ZNF554: variants seen among roughly 807,000 people sequenced by gnomAD.
ZNF554 encodes the protein zinc finger protein 554.
ZNF554 carries 15 observed loss-of-function variants against 21.2 expected under a neutral mutation model. The ratio of observed to expected loss-of-function variants is 0.71; its 90% confidence interval spans 0.47 to 1.09. The LOEUF is 1.09. Ranked by LOEUF, ZNF554 falls within the 50% of genes least tolerant of loss-of-function variation. The pLI is 0.00. For missense variants in ZNF554, 691 were observed against 662.7 expected, an observed-to-expected ratio of 1.04 and a Z score of -0.47; for synonymous variants, 258 against 251.4, an observed-to-expected ratio of 1.03 and a Z score of -0.25.
rs183460926 is a variant in ZNF554 at position 2,830,259 on chromosome 19, A to G, written c.254-2044A>G. Among the ~76,000 whole-genome samples, 4 of 152,280 alleles carry G rather than the reference A, an allele frequency of 2.6e-5. No homozygotes were observed. The East Asian group carries it at 7.7e-4, about 29-fold the overall frequency. ...AGACATTTCATATAAATGGAATCAT[A>G]TAATATGTGGCCTTTTGTGTCTGGC... is the stretch of plus-strand genomic sequence containing the variant. On this transcript the variant is annotated intron_variant, in intron 3 of 4. Transcript: ENST00000317243.
Position 2,833,747 on chromosome 19 carries a change from C to T in ZNF554, c.512C>T (p.Ala171Val), listed in dbSNP as rs139826802. The change falls in exon 5 of 5, where the codon GCC becomes GTC. Residue 171 changes from alanine to valine, a missense_variant. By Grantham distance (64) the Ala-to-Val change is moderately conservative. Coordinates refer to ENST00000317243, the MANE Select transcript of ZNF554 (RefSeq NM_001102651.2). ...YKKVALQEEP[A>V]SGINMIKLIR... ...AAGGTGGCTTTGCAGGAGGAACCAG[C>T]CAGTGGTATAAATATGATAAAGCTT... The T allele has an allele frequency of 9.1e-5, 143 of 1,575,896 alleles. No individual in the cohort carries two copies. In the African/African-American group the frequency reaches 1.8e-3, roughly 20 times the overall value.
rs781224191 is a variant in ZNF554, at chr19:2,834,891, T to C, written c.*39T>C. Reference sequence around the variant, plus strand: ...CTTTGTAAGCCACTTTTTAGTACTCTGACACATACATGTGGTTATCTTTTG... The same window carrying C: ...CTTTGTAAGCCACTTTTTAGTACTCCGACACATACATGTGGTTATCTTTTG... On this transcript the variant is annotated 3_prime_UTR_variant, in exon 5 of 5. Transcript: ENST00000317243. 3 of 1,511,004 alleles carry C rather than the reference T, an allele frequency of 2.0e-6. No homozygotes were observed. The highest frequency in any genetic ancestry group is 2.7e-6 in the Non-Finnish European group (3 of 1,119,410). The allele number at this position is 1,511,004 out of a possible 1,614,324, so 93.6% of individuals were successfully genotyped here.
Position 2,832,109 on chromosome 19 carries a change from A to G in ZNF554, c.254-194A>G, listed in dbSNP as rs924266913. On this transcript the variant is annotated intron_variant, in intron 3 of 4. Transcript: ENST00000317243. Reference sequence around the variant, plus strand: ...CCCAGCTAATTTTTGTATTTTTAGTAGAGATGGGGTTTTACCATGTTGGCC... The same window carrying G: ...CCCAGCTAATTTTTGTATTTTTAGTGGAGATGGGGTTTTACCATGTTGGCC... The G allele has an allele frequency of 5.1e-5, 21 of 414,376 alleles. 1 individual carries two copies. In the South Asian group the frequency reaches 7.6e-4, roughly 15 times the overall value. 25.7% of individuals were successfully genotyped at this position (414,376 alleles called of 1,614,324 possible).
intron 2 of ZNF554, among the ~76,000 whole-genome samples, chr19:2,827,370 G>C (rs1432759058): frequency 6.6e-6 from 1 of 152,186 alleles, no homozygotes; most frequent in Non-Finnish European, 1.5e-5. Context: ...AATAAGAAAT[G>C]GGCAAAATGT....
At chr19:2,820,982 T>C (rs1425388782) in intron 1 of ZNF554, among the ~76,000 whole-genome samples, 2 of 151,380 alleles carry the variant, frequency 1.3e-5, no homozygotes, top group Non-Finnish European at 2.9e-5. Context: ...ATTCTGTTTA[T>C]ACCCACCACC....
chr19:2,833,739 G>C lies in ZNF554; in HGVS notation c.504G>C (p.Glu168Asp), dbSNP rs1248784050. 2 of 1,560,280 alleles carry C rather than the reference G, an allele frequency of 1.3e-6. No homozygotes were observed. Among genetic ancestry groups the C allele is most frequent in the Non-Finnish European group, 1.7e-6 (2 of 1,154,394 alleles). ...CTTACAAGAAGGTGGCTTTGCAGGA[G>C]GAACCAGCCAGTGGTATAAATATGA... ...DSTYKKVALQ[E>D]EPASGINMIK... is the part of the protein sequence containing the mutation. The change falls in exon 5 of 5, where the codon GAG becomes GAC. Residue 168 changes from glutamate (E) to aspartate (D), a missense_variant. By Grantham distance (45) the Glu-to-Asp change is conservative. Coordinates refer to ENST00000317243, the MANE Select transcript of ZNF554 (RefSeq NM_001102651.2).
At chr19:2,820,611 T>C (rs947376567) in intron 1 of ZNF554, among the ~76,000 whole-genome samples, 5 of 150,684 alleles carry the variant, frequency 3.3e-5, no homozygotes, top group Non-Finnish European at 5.9e-5. Flanking sequence ...GGCTCCAGTG[T>C]CCACAGCGCC....
intron 2 of ZNF554, among the ~76,000 whole-genome samples, chr19:2,825,352 C>G (rs4807342): frequency 1.3e-5 from 2 of 151,916 alleles, no homozygotes; most frequent in South Asian, 4.1e-4. Context: ...GCTCTGTTGC[C>G]CAAGCTGAAG....
chr19:2,827,801 G>C, intron 3 of ZNF554, 58 bp downstream of exon 3: 1 of 1,602,044 alleles, frequency 6.2e-7, no homozygotes, highest in Non-Finnish European at 8.5e-7. Context: ...TGGTGTATTA[G>C]TCTGTTCTCA....
At chr19:2,832,126 A>G (rs1386733606) in intron 3 of ZNF554, 177 bp from the exon 4 acceptor site, 2 of 484,332 alleles carry the variant, frequency 4.1e-6, no homozygotes, top group South Asian at 3.2e-5. Flanking sequence ...GGGTTTTACC[A>G]TGTTGGCCAG....
At chr19:2,825,577 C>G (rs2087320885) in intron 2 of ZNF554, among the ~76,000 whole-genome samples, 2 of 151,980 alleles carry the variant, frequency 1.3e-5, no homozygotes, top group African/African-American at 2.4e-5. Context: ...TAGGCACATC[C>G]TGGAGTGGGA....
In ZNF554 at chr19:2,835,307, C is replaced by G. The variant is rs961731163; in HGVS notation, c.*455C>G. On this transcript the variant is annotated 3_prime_UTR_variant, in exon 5 of 5. Transcript: ENST00000317243. Reference sequence around the variant, plus strand: ...CTAACACAGTGAAACCCTGTCTCTACTAAAAATACAAAAAAGTAGCCGGGC... The same window carrying G: ...CTAACACAGTGAAACCCTGTCTCTAGTAAAAATACAAAAAAGTAGCCGGGC... 6.4e-6 allele frequency: 1 copy of G among 156,546 alleles called. No individual in the cohort carries two copies. Among genetic ancestry groups the G allele is most frequent in the Non-Finnish European group, 1.4e-5 (1 of 70,644 alleles). The allele number at this position is 156,546 out of a possible 1,614,324, so 9.7% of individuals were successfully genotyped here.
chr19:2,823,063 T>A lies in ZNF554; in HGVS notation c.77T>A (p.Phe26Tyr). 1 of 1,613,666 alleles carries A rather than the reference T, an allele frequency of 6.2e-7. No individual in the cohort carries two copies. The change falls in exon 2 of 5, where the codon TTT (phenylalanine) becomes TAT (tyrosine). Residue 26 changes from phenylalanine (F) to tyrosine (Y), a missense_variant. Transcript: ENST00000317243. ...AQPSACPGTC[F>Y]SQEERMAAGY... is the part of the protein sequence containing the mutation. ...AGCTCTGCCTGCCCAGGAACCTGCT[T>A]TTCCCAAGAGGAGAGAATGGCTGCT...
At chr19:2,832,012 G>A in intron 3 of ZNF554, 1 of 204,890 alleles carries the variant, frequency 4.9e-6, no homozygotes, top group Non-Finnish European at 9.8e-6. Flanking sequence ...TGCAACCTCT[G>A]CCTCCTGGGT....
chr19:2,823,815 G>A (rs1014712067), intron 2 of ZNF554, among the ~76,000 whole-genome samples: 2 of 152,106 alleles, frequency 1.3e-5, no homozygotes, highest in Admixed American at 6.5e-5. Flanking sequence ...GGGCTTTTAC[G>A]GACCTCAGAG....
At chr19:2,829,591 C>T (rs141435399) in intron 3 of ZNF554, among the ~76,000 whole-genome samples, 2,312 of 152,092 alleles carry the variant, frequency 0.015, 60 homozygotes, top group African/African-American at 0.053. Context: ...AAGCTGAGAT[C>T]GTGCCACTGG....
chr19:2,828,593 G>T (rs1206549414), intron 3 of ZNF554, among the ~76,000 whole-genome samples: 1 of 152,010 alleles, frequency 6.6e-6, no homozygotes, highest in Non-Finnish European at 1.5e-5. Context: ...CTTGAACACG[G>T]GAGGCAGAGG....
chr19:2,827,836 G>T (rs1031458101), intron 3 of ZNF554, 93 bp downstream of exon 3: 2 of 1,472,150 alleles, frequency 1.4e-6, no homozygotes, highest in Admixed American at 4.0e-5. Context: ...AAATACCCAA[G>T]ACTGGGTAAT....
At chr19:2,823,709 G>T (rs558466965) in intron 2 of ZNF554, among the ~76,000 whole-genome samples, 59 of 152,192 alleles carry the variant, frequency 3.9e-4, no homozygotes, top group African/African-American at 1.4e-3. Flanking sequence ...AGTGGAGAGG[G>T]TACTCCTCTC....
Sources: allele counts gnomAD v4.1 joint callset (sites outside exome capture counted in the v4.1 genomes callset), GRCh38; gene constraint gnomAD v4.1.1; transcripts MANE v1.5; gene names NCBI Gene and HGNC (gene_info 2026-07-23, HGNC 2026-07-21).